The following MACF1 variants were observed in gnomAD, a reference collection of about 807,000 sequenced individuals.
MACF1 encodes microtubule-actin cross-linking factor 1.
A neutral mutation model predicts 854.8 loss-of-function variants in MACF1; 193 were observed. The observed-to-expected ratio is 0.23, with a 90% CI of 0.20 to 0.25. MACF1 has a LOEUF of 0.25. Among genes scored for constraint, MACF1 ranks in the 10% least tolerant of loss-of-function variants. The probability of loss-of-function intolerance (pLI) is 1.00; values close to 1 mark genes in which losing one functional copy is unlikely to be tolerated. For missense variants in MACF1, 7,722 were observed against 8,929.1 expected (o/e 0.86, Z 5.45); for synonymous variants, 3,185 against 3,226.7 (o/e 0.99, Z 0.44).
chr1:39,148,922 T>C (rs570035036), intron 2 of MACF1, among the ~76,000 whole-genome samples: 1 of 152,366 alleles, frequency 6.6e-6, no homozygotes, highest in African/African-American at 2.4e-5. Flanking sequence ...GAGATTTTTT[T>C]CCCCCTTTGG....
chr1:39,437,978 C>G lies in MACF1; in HGVS notation c.18190C>G (p.Gln6064Glu), dbSNP rs1351616956. The change falls in exon 71 of 101, where the codon CAG (glutamine) becomes GAG (glutamate). Residue 6064 changes from glutamine (Q) to glutamate (E), a missense_variant. By Grantham distance (29) the Gln-to-Glu change is conservative. This residue lies in a region of MACF1 where 2,807 missense variants were observed against 3,235.8 expected (regional missense o/e 0.87). Transcript: ENST00000564288. Reference sequence around the variant, plus strand: ...TGGAGAGGAGCTTATTGGACGATCTCAGGGAGCAGACAAGGATCTGGCTGC... The same window carrying G: ...TGGAGAGGAGCTTATTGGACGATCTGAGGGAGCAGACAAGGATCTGGCTGC... ...RRGEELIGRS[Q>E]GADKDLAAKE... is the part of the protein sequence containing the mutation. 3 of 1,614,046 alleles carry G rather than the reference C, an allele frequency of 1.9e-6. No individual in the cohort carries two copies. The South Asian group carries it at 3.3e-5, about 18-fold the overall frequency.
chr1:39,305,105 C>T (rs1488218940), intron 23 of MACF1, among the ~76,000 whole-genome samples: 2 of 151,346 alleles, frequency 1.3e-5, no homozygotes, highest in African/African-American at 4.9e-5. Context: ...ACTAAAAATA[C>T]AGACAATTAG....
At chr1:39,347,306 G>T in intron 41 of MACF1, 96 bp downstream of exon 41, 1 of 936,850 alleles carries the variant, frequency 1.1e-6, no homozygotes, top group South Asian at 1.5e-5. Flanking sequence ...GATTGCAGGA[G>T]CCTGGGTTTA....
At chr1:39,382,175 A>C in intron 56 of MACF1, 23 bp downstream of exon 56, 1 of 1,604,412 alleles carries the variant, frequency 6.2e-7, no homozygotes, top group African/African-American at 1.3e-5. Flanking sequence ...GCAACAAAGA[A>C]ATTGGAATCA....
intron 2 of MACF1, among the ~76,000 whole-genome samples, chr1:39,190,422 T>TTTTAC (rs1644240921): frequency 5.4e-5 from 6 of 111,672 alleles, no homozygotes; most frequent in Non-Finnish European, 8.7e-5. Flanking sequence ...TTTTTTTTGA[T>TTTTAC]GGAATCTTGC....
chr1:39,430,669 A>G (rs746898067), intron 65 of MACF1, 33 bp from the exon 66 acceptor site: 2 of 1,563,922 alleles, frequency 1.3e-6, no homozygotes, highest in South Asian at 2.2e-5. Flanking sequence ...TTATTTAGCA[A>G]GGTATGGCCT....
At chr1:39,412,706 T>G in intron 58 of MACF1, 2 of 1,613,968 alleles carry the variant, frequency 1.2e-6, no homozygotes, top group Non-Finnish European at 1.7e-6. Context: ...GAGAAACAAG[T>G]TACCAAGGCT....
chr1:39,350,909 A>G lies in MACF1; in HGVS notation c.11090A>G (p.Lys3697Arg), dbSNP rs751185913. The change falls in exon 43 of 101, where the codon AAG becomes AGG. Residue 3697 changes from lysine (K) to arginine (R), a missense_variant. Lys to Arg is a conservative substitution (Grantham distance 26). This residue lies in a region of MACF1 where 2,807 missense variants were observed against 3,235.8 expected (regional missense o/e 0.87). Transcript: ENST00000564288. ...SPRELTALRE[K>R]LHQAKEQYEA... ...CGTGAGTTGACAGCTCTTCGGGAAAAGCTTCATCAGGCTAAGGAGCAATAT... is the reference window on the plus strand; with the variant it reads ...CGTGAGTTGACAGCTCTTCGGGAAAGGCTTCATCAGGCTAAGGAGCAATAT... 12 of 1,614,024 alleles carry G rather than the reference A, an allele frequency of 7.4e-6. No individual in the cohort carries two copies. The African/African-American group carries it at 1.2e-4, about 16-fold the overall frequency.
intron 84 of MACF1, among the ~76,000 whole-genome samples, chr1:39,450,269 G>C (rs1011503668): frequency 1.3e-5 from 2 of 150,996 alleles, no homozygotes; most frequent in Non-Finnish European, 2.9e-5. Flanking sequence ...TGCTGGGATT[G>C]CAAGTGTGAG....
chr1:39,462,071 T>G, intron 93 of MACF1, 34 bp downstream of exon 93: 1 of 1,607,650 alleles, frequency 6.2e-7, no homozygotes, highest in Non-Finnish European at 8.5e-7. Context: ...AGTACACTTC[T>G]GGCTGTAGGT....
intron 21 of MACF1, chr1:39,298,648 T>G (rs1645975059): frequency 2.3e-6 from 1 of 431,904 alleles, no homozygotes; most frequent in Admixed American, 2.7e-5. Context: ...TATTTTTATT[T>G]TTTTACACTT....
At chr1:39,169,626 T>G (rs1643919765) in intron 2 of MACF1, among the ~76,000 whole-genome samples, 1 of 150,662 alleles carries the variant, frequency 6.6e-6, no homozygotes, top group African/African-American at 2.4e-5. Context: ...AAAAAAGACA[T>G]TTTATGCTCT....
At chr1:39,450,981 A>G (rs1644332259) in intron 84 of MACF1, 71 bp from the exon 85 acceptor site, 5 of 1,525,064 alleles carry the variant, frequency 3.3e-6, no homozygotes, top group Non-Finnish European at 4.5e-6. Flanking sequence ...ATTCCCTTTC[A>G]GCGAGGCAGA....
In MACF1 at chr1:39,347,227, A is replaced by C; in HGVS notation, c.10815+17A>C. 6.4e-7 allele frequency: 1 copy of C among 1,567,846 alleles called. No homozygotes were observed. ...CTGGTGAAGGTCAGACTGAACCAGC[A>C]GCTGGGCTCAGTTTGTCTTTGGGGA... On this transcript the variant is annotated intron_variant, in intron 41 of 100. Transcript: ENST00000564288.
At chr1:39,452,040 C>A (rs1644352557) in intron 85 of MACF1, 116 bp from the exon 86 acceptor site, 1 of 882,130 alleles carries the variant, frequency 1.1e-6, no homozygotes, top group Non-Finnish European at 1.7e-6. Flanking sequence ...GCTCTGCCTC[C>A]CTCTATGCAT....
rs1371298270 is a variant in MACF1 at position 39,393,193 on chromosome 1, AAAAAT to A, written c.15816+4537_15816+4541del. 7.1e-3 allele frequency among the ~76,000 whole-genome samples: 740 copies of A among 103,762 alleles called. 2 individuals carry two copies. Among genetic ancestry groups the A allele is most frequent in the African/African-American group, 0.029 (677 of 23,292 alleles). 68.1% of individuals were successfully genotyped at this position (103,762 alleles called of 152,430 possible). A position where few individuals can be genotyped will look rare whatever the true frequency, so the allele number is the denominator to read the frequency against. ...TTCCTGGGAAGGGTAAAAAAAAAAA[AAAAAT>A]ATATATATATATATATATATATATA... On this transcript the variant is annotated intron_variant, in intron 58 of 100. Coordinates refer to ENST00000564288, the MANE Select transcript of MACF1 (RefSeq NM_001394062.1).
rs1461003881 is a variant in MACF1, at chr1:39,218,047, G to A, written c.109+12916G>A. 3.3e-5 allele frequency among the ~76,000 whole-genome samples: 5 copies of A among 152,048 alleles called. No individual in the cohort carries two copies. In the South Asian group the frequency reaches 1.0e-3, roughly 32 times the overall value. ...AAATACAAAAAATTAGCTGGGCATG[G>A]TGGCGGGTGCTTGTAGTCCTAGCTA... is the stretch of plus-strand genomic sequence containing the variant. On this transcript the variant is annotated intron_variant, in intron 1 of 100. Coordinates refer to ENST00000564288, the MANE Select transcript of MACF1 (RefSeq NM_001394062.1).
Position 39,446,242 on chromosome 1 carries a change from T to C in MACF1, c.19606-1190T>C, listed in dbSNP as rs370636359. Among the ~76,000 whole-genome samples, 61 of 152,062 alleles carry C rather than the reference T, an allele frequency of 4.0e-4. No homozygotes were observed. In the East Asian group the frequency reaches 5.0e-3, roughly 12 times the overall value. The stretch of plus-strand genomic sequence containing the variant: ...TGTGTGGTGCTGTAGTAAGAAAATA[T>C]AAAGAATATGTAGATATAAAGAATA... On this transcript the variant is annotated intron_variant, in intron 80 of 100. Transcript: ENST00000564288.
At position 39,372,497 on chromosome 1, in the gene MACF1, G is replaced by A. The variant is rs764742732; in HGVS notation, c.13114G>A (p.Ala4372Thr). The change falls in exon 52 of 101, where the codon GCA becomes ACA. Residue 4372 changes from alanine (A) to threonine (T), a missense_variant. This residue lies in a region of MACF1 where 2,807 missense variants were observed against 3,235.8 expected (regional missense o/e 0.87). Coordinates refer to ENST00000564288, the MANE Select transcript of MACF1 (RefSeq NM_001394062.1). ...TAAACAGAGTCTACTAGATGACTGG[G>A]CAAGTAAGGGAACTCTGGTGGAAGA... ...EHLKSLLDDW[A>T]SKGTLVEEIN... is the part of the protein sequence containing the mutation. 3.7e-6 allele frequency: 6 copies of A among 1,612,198 alleles called. No homozygotes were observed. The East Asian group carries it at 6.7e-5, about 18-fold the overall frequency.
Sources: allele counts gnomAD v4.1 joint callset (sites outside exome capture counted in the v4.1 genomes callset), GRCh38; gene constraint gnomAD v4.1.1; regional missense constraint gnomAD v4.1.1; transcripts MANE v1.5; gene names NCBI Gene and HGNC (gene_info 2026-07-23, HGNC 2026-07-21).